Variants in RNF185 observed in about 807,000 individuals in gnomAD.
RNF185 encodes ring finger protein 185, also known as E3 ubiquitin-protein ligase RNF185.
A neutral mutation model predicts 24.9 loss-of-function variants in RNF185; 13 were observed. The ratio of observed to expected loss-of-function variants is 0.52; its 90% CI spans 0.34 to 0.83. The LOEUF is 0.83. Among genes scored for constraint, RNF185 ranks in the 40% least tolerant of loss-of-function variants. RNF185 has a pLI of 0.01. For missense variants in RNF185, 184 were observed against 244.7 expected, an observed-to-expected ratio of 0.75 and a Z score of 1.65; for synonymous variants, 79 against 90.3, an observed-to-expected ratio of 0.88 and a Z score of 0.71.
intron 5 of RNF185, 70 bp downstream of exon 5, chr22:31,197,060 C>A (rs551445721): frequency 6.3e-7 from 1 of 1,588,902 alleles, no homozygotes; most frequent in Non-Finnish European, 8.6e-7. Flanking sequence ...CTTAGCCTTA[C>A]AATTTTTCTC....
chr22:31,160,871 C>T (rs1923528479), intron 1 of RNF185, among the ~76,000 whole-genome samples: 1 of 152,164 alleles, frequency 6.6e-6, no homozygotes, highest in Admixed American at 6.5e-5. Flanking sequence ...TCAATTCAGA[C>T]TTCTGGTTTA....
At position 31,206,219 on chromosome 22, in the gene RNF185, C is replaced by T. The variant is rs1474845738; in HGVS notation, c.*1633C>T. ...CTCTTCACAGTCCCCATCTCTTCTC[C>T]TTTGTACCTGTCAACACCAGAGTTC... On this transcript the variant is annotated 3_prime_UTR_variant, in exon 7 of 7. Coordinates refer to ENST00000326132, the MANE Select transcript of RNF185 (RefSeq NM_152267.4). 1.3e-5 allele frequency: 2 copies of T among 152,588 alleles called. No individual in the cohort carries two copies. Among genetic ancestry groups the T allele is most frequent in the Non-Finnish European group, 2.9e-5 (2 of 68,128 alleles). 9.5% of individuals were successfully genotyped at this position (152,588 alleles called of 1,614,324 possible). A position where few individuals can be genotyped will look rare whatever the true frequency, so the allele number is the denominator to read the frequency against.
intron 4 of RNF185, 52 bp downstream of exon 4, chr22:31,195,633 C>T (rs997822869): frequency 8.6e-7 from 1 of 1,159,924 alleles, no homozygotes; most frequent in African/African-American, 1.5e-5. Context: ...GATGTGAATT[C>T]ACTCCCATTC....
chr22:31,190,776 G>A (rs2048148800), intron 2 of RNF185, among the ~76,000 whole-genome samples: 1 of 151,330 alleles, frequency 6.6e-6, no homozygotes, highest in African/African-American at 2.4e-5. Context: ...GCTAGTTTTT[G>A]TATTTTTAAT....
Position 31,182,908 on chromosome 22 carries a change from T to TTTATTATTATTATTATTATTA in RNF185, c.-48-4130_-48-4110dup, listed in dbSNP as rs56373705. On this transcript the variant is annotated intron_variant, in intron 1 of 6. Transcript: ENST00000326132. ...TTCTGTAAATAGGTAATTTATTTTA[T>TTTATTATTATTATTATTATTA]TTATTATTATTATTATTATTATTAT... The TTTATTATTATTATTATTATTA allele has an allele frequency of 7.5e-4, 107 of 143,050 alleles. No homozygotes were observed. In the East Asian group the frequency reaches 0.011, roughly 14 times the overall value. 8.9% of individuals were successfully genotyped at this position (143,050 alleles called of 1,614,324 possible).
intron 2 of RNF185, among the ~76,000 whole-genome samples, chr22:31,192,459 C>T (rs1201356914): frequency 2.0e-5 from 3 of 151,858 alleles, no homozygotes; most frequent in Admixed American, 6.6e-5. Flanking sequence ...ATCTCCATTG[C>T]GTTATTTATT....
intron 1 of RNF185, among the ~76,000 whole-genome samples, chr22:31,164,084 C>T (rs1923758523): frequency 6.6e-6 from 1 of 151,780 alleles, no homozygotes; most frequent in South Asian, 2.1e-4. Context: ...CAGGTTCAAG[C>T]GATTCTCCTG....
intron 1 of RNF185, among the ~76,000 whole-genome samples, chr22:31,177,516 A>G (rs775281399): frequency 9.9e-5 from 15 of 152,190 alleles, no homozygotes; most frequent in Non-Finnish European, 2.2e-4. Flanking sequence ...CCAAGTTCCA[A>G]TAAACTTATT....
At chr22:31,175,304 A>T (rs192094553) in intron 1 of RNF185, among the ~76,000 whole-genome samples, 44 of 151,576 alleles carry the variant, frequency 2.9e-4, no homozygotes, top group Admixed American at 1.4e-3. Flanking sequence ...CAAACAAAAA[A>T]CTAGCTGGAT....
chr22:31,170,902 T>C (rs1296564650), intron 1 of RNF185, among the ~76,000 whole-genome samples: 1 of 152,082 alleles, frequency 6.6e-6, no homozygotes, highest in African/African-American at 2.4e-5. Context: ...CCTCAAGCAA[T>C]CCTCCTGCCT....
At position 31,200,031 on chromosome 22, in the gene RNF185, G is replaced by A. The variant is rs566361118; in HGVS notation, c.364-1467G>A. 6.2e-4 allele frequency among the ~76,000 whole-genome samples: 94 copies of A among 152,176 alleles called. 3 individuals carry two copies. The South Asian group carries it at 0.019, about 31-fold the overall frequency. On this transcript the variant is annotated intron_variant, in intron 5 of 6. Transcript: ENST00000326132. ...CTCTCATCAGGGGTGCAGGGGAAGA[G>A]AAAAAAATATTTGAAAGATGCGCAC...
chr22:31,203,073 C>T (rs980834481), intron 6 of RNF185, among the ~76,000 whole-genome samples: 3 of 152,186 alleles, frequency 2.0e-5, no homozygotes, highest in Admixed American at 1.3e-4. Flanking sequence ...AGCTTGCATC[C>T]TTCTAACCTG....
At chr22:31,169,170 C>T (rs1016329620) in intron 1 of RNF185, among the ~76,000 whole-genome samples, 3 of 152,198 alleles carry the variant, frequency 2.0e-5, no homozygotes, top group African/African-American at 7.2e-5. Context: ...CTAAGCCTCC[C>T]AAAGTGCTGG....
rs1174413089 is a variant in RNF185, at chr22:31,160,182, A to G, written c.-170A>G. The G allele has an allele frequency of 6.5e-6, 1 of 152,808 alleles. No homozygotes were observed. The highest frequency in any genetic ancestry group is 2.4e-5 in the African/African-American group (1 of 41,448). The allele number at this position is 152,808 out of a possible 1,614,324, so 9.5% of individuals were successfully genotyped here. On this transcript the variant is annotated 5_prime_UTR_variant, in exon 1 of 7. An upstream start codon of the reference 5' UTR is lost. Coordinates refer to ENST00000326132, the MANE Select transcript of RNF185 (RefSeq NM_152267.4). ...CCTCCGAGAGGGGCGGCTCCGCGTCATGTGACTGGAGTCCGCGTAGGAGGG... is the reference window on the plus strand; with the variant it reads ...CCTCCGAGAGGGGCGGCTCCGCGTCGTGTGACTGGAGTCCGCGTAGGAGGG...
In RNF185 at chr22:31,197,046, C is replaced by T. The variant is rs768927495; in HGVS notation, c.363+56C>T. ...AATGAGCTGATGGCTTTAGAAGTTT[C>T]CTTCTTAGCCTTACAATTTTTCTCC... is the stretch of plus-strand genomic sequence containing the variant. On this transcript the variant is annotated intron_variant, in intron 5 of 6. Transcript: ENST00000326132. The T allele has an allele frequency of 1.3e-5, 21 of 1,603,822 alleles. 1 individual carries two copies. The South Asian group carries it at 1.9e-4, about 14-fold the overall frequency.
chr22:31,162,682 CTA>C (rs1299162693), intron 1 of RNF185, among the ~76,000 whole-genome samples: 8 of 150,336 alleles, frequency 5.3e-5, no homozygotes, highest in Non-Finnish European at 1.2e-4. Context: ...GATCTGCATA[CTA>C]TATATAGGCT....
At chr22:31,177,895 A>G (rs894109292) in intron 1 of RNF185, among the ~76,000 whole-genome samples, 11 of 152,190 alleles carry the variant, frequency 7.2e-5, no homozygotes, top group African/African-American at 2.7e-4. Context: ...TGCTACAGAG[A>G]AATTTCCTCA....
At chr22:31,192,351 C>T (rs930338770) in intron 2 of RNF185, among the ~76,000 whole-genome samples, 1 of 152,152 alleles carries the variant, frequency 6.6e-6, no homozygotes, top group Non-Finnish European at 1.5e-5. Context: ...GATGTTGTAA[C>T]CTCTCACAGG....
intron 2 of RNF185, 148 bp from the exon 3 acceptor site, chr22:31,192,536 G>T: frequency 2.9e-6 from 2 of 690,156 alleles, no homozygotes; most frequent in Non-Finnish European, 5.3e-6. Context: ...AACCTCAATG[G>T]GCATGCAGTG....
Sources: gnomAD v4.1 joint callset for allele counts (sites outside exome capture counted in the v4.1 genomes callset) on GRCh38, gnomAD v4.1.1 for gene constraint, MANE v1.5 for transcripts, NCBI Gene and HGNC (gene_info 2026-07-23, HGNC 2026-07-21) for gene names.